Variants in PDCD6IP observed in about 807,000 individuals in gnomAD.
The protein encoded by PDCD6IP is programmed cell death 6-interacting protein.
Under a neutral mutation model 103.7 loss-of-function variants are expected in PDCD6IP, and 43 were observed. The ratio of observed to expected loss-of-function variants is 0.41; its 90% CI spans 0.32 to 0.53. The LOEUF (loss-of-function observed/expected upper bound fraction) is 0.53, where lower values mean the gene tolerates loss of function less well. PDCD6IP is among the 20% of genes least tolerant of loss of function. The pLI, the probability that PDCD6IP is intolerant of heterozygous loss-of-function variation, is 0.16. For missense variants in PDCD6IP, 871 were observed against 1,036.7 expected (o/e 0.84, Z 2.20); for synonymous variants, 354 against 378.7 (o/e 0.93, Z 0.76).
At chr3:33,830,616 C>G (rs1045262506) in intron 7 of PDCD6IP, among the ~76,000 whole-genome samples, 3 of 152,104 alleles carry the variant, frequency 2.0e-5, no homozygotes, top group African/African-American at 7.2e-5. Flanking sequence ...ATGGCACCTG[C>G]CTGTAGTCCA....
intron 1 of PDCD6IP, among the ~76,000 whole-genome samples, chr3:33,811,673 G>C (rs1696722455): frequency 6.6e-6 from 1 of 152,216 alleles, no homozygotes; most frequent in African/African-American, 2.4e-5. Flanking sequence ...GACAGATAGA[G>C]ATGGGCTTAC....
chr3:33,809,384 G>T (rs1696666994), intron 1 of PDCD6IP, among the ~76,000 whole-genome samples: 1 of 152,178 alleles, frequency 6.6e-6, no homozygotes, highest in African/African-American at 2.4e-5. Context: ...AAGAGTGAAG[G>T]CCCTGAGCAA....
At chr3:33,844,603 C>G (rs552996649) in intron 11 of PDCD6IP, among the ~76,000 whole-genome samples, 2 of 152,236 alleles carry the variant, frequency 1.3e-5, no homozygotes, top group Non-Finnish European at 2.9e-5. Flanking sequence ...ACCTCAACCT[C>G]CTGAGTAGCT....
At chr3:33,826,941 C>G (rs1697140494) in intron 6 of PDCD6IP, 1 of 1,002,632 alleles carries the variant, frequency 1.0e-6, no homozygotes, top group Non-Finnish European at 1.2e-6. Context: ...ATGATTCACA[C>G]TTTTAATTAT....
At chr3:33,851,329 A>T (rs1357602972) in intron 12 of PDCD6IP, among the ~76,000 whole-genome samples, 1 of 151,940 alleles carries the variant, frequency 6.6e-6, no homozygotes, top group Non-Finnish European at 1.5e-5. Context: ...TTAGCAAAGT[A>T]TGAAGAGATG....
chr3:33,842,911 T>C (rs1697509031), intron 10 of PDCD6IP, among the ~76,000 whole-genome samples: 1 of 152,226 alleles, frequency 6.6e-6, no homozygotes, highest in South Asian at 2.1e-4. Flanking sequence ...CCTGTACTTA[T>C]TTGTGGGAAT....
intron 5 of PDCD6IP, among the ~76,000 whole-genome samples, chr3:33,825,736 A>G (rs1697106745): frequency 6.6e-6 from 1 of 152,258 alleles, no homozygotes; most frequent in African/African-American, 2.4e-5. Context: ...ATAAGCAAGA[A>G]TTAAGTAGAC....
At chr3:33,848,045 C>G (rs1697632379) in intron 12 of PDCD6IP, among the ~76,000 whole-genome samples, 1 of 152,064 alleles carries the variant, frequency 6.6e-6, no homozygotes, top group African/African-American at 2.4e-5. Flanking sequence ...AACTGTGTGC[C>G]CTCCCAGAGG....
chr3:33,862,247 T>A (rs1019418275), intron 15 of PDCD6IP, among the ~76,000 whole-genome samples: 1 of 152,046 alleles, frequency 6.6e-6, no homozygotes. Flanking sequence ...GTTTTGTTTT[T>A]TTTTTTTGAT....
Position 33,826,527 on chromosome 3 carries a change from G to A in PDCD6IP, c.664G>A (p.Asp222Asn), listed in dbSNP as rs1341405498. The change falls in exon 6 of 18, where the codon GAT (aspartate) becomes AAT (asparagine). Residue 222 changes from aspartate (D) to asparagine (N), a missense_variant. By Grantham distance (23) the Asp-to-Asn change is conservative (BLOSUM62 1). Around this residue, in one of 5 missense-constraint regions of PDCD6IP, gnomAD observed 242 missense variants for 250.7 expected, o/e 0.97. Coordinates refer to ENST00000307296, the MANE Select transcript of PDCD6IP (RefSeq NM_013374.6). ...IIAKLANQAA[D>N]YFGDAFKQCQ... ...AGCTAAATTGGCTAATCAGGCTGCA[G>A]ATTATTTTGGTGATGCTTTCAAACA... The A allele has an allele frequency of 4.3e-6, 7 of 1,612,696 alleles. No homozygotes were observed. The highest frequency in any genetic ancestry group is 4.5e-5 in the East Asian group (2 of 44,820).
rs1697738533 is a variant in PDCD6IP at position 33,852,477 on chromosome 3, T to C, written c.1642-11T>C. ...TTTTTGCAGTTAAACTAAGGTGTCT[T>C]TTTTGTTTAGGTTGTAAATGTCTTA... is the stretch of plus-strand genomic sequence containing the variant. On this transcript the variant is annotated splice_polypyrimidine_tract_variant and intron_variant, in intron 12 of 17. Transcript: ENST00000307296. 2 of 1,525,376 alleles carry C rather than the reference T, an allele frequency of 1.3e-6. No individual in the cohort carries two copies. The highest frequency in any genetic ancestry group is 2.6e-5 in the South Asian group (2 of 77,962). The allele number at this position is 1,525,376 out of a possible 1,614,324, so 94.5% of individuals were successfully genotyped here. A position where few individuals can be genotyped will look rare whatever the true frequency, so the allele number is the denominator to read the frequency against.
intron 12 of PDCD6IP, among the ~76,000 whole-genome samples, chr3:33,846,161 A>G (rs371193703): frequency 1.3e-5 from 2 of 152,342 alleles, no homozygotes; most frequent in African/African-American, 4.8e-5. Context: ...AGATAGGGTA[A>G]GTTAGTAGGA....
At position 33,836,208 on chromosome 3, in the gene PDCD6IP, C is replaced by T. The variant is rs1697345337; in HGVS notation, c.999C>T (p.Gly333=). The T allele has an allele frequency of 6.8e-6, 11 of 1,613,458 alleles. No homozygotes were observed. The highest frequency in any genetic ancestry group is 9.3e-6 in the Non-Finnish European group (11 of 1,179,462). The change falls in exon 8 of 18, where the codon GGC becomes GGT. Residue 333 remains glycine, a synonymous_variant. Coordinates refer to ENST00000307296, the MANE Select transcript of PDCD6IP (RefSeq NM_013374.6). ...VPDLKDLDPI[G]KATLVKSTPV... is the part of the protein sequence containing the mutation. ...ACCTTAAAGATCTAGATCCTATTGG[C>T]AAAGCCACACTTGTGAAATCTACCC... is the stretch of plus-strand genomic sequence containing the variant.
chr3:33,808,942 T>C (rs1397032099), intron 1 of PDCD6IP, among the ~76,000 whole-genome samples: 15 of 152,210 alleles, frequency 9.9e-5, no homozygotes, highest in Admixed American at 9.8e-4. Flanking sequence ...TACCCTCTTG[T>C]CCCAGGGTAT....
In PDCD6IP at chr3:33,866,402, G is replaced by A; in HGVS notation, c.2484G>A (p.Gln828=). ...PMGYNPYAYG[Q]YNMPYPPVYH... ...GCTATAATCCTTATGCGTATGGCCA[G>A]TATAATATGCCATATCCACCAGTGT... is the stretch of plus-strand genomic sequence containing the variant. The change falls in exon 18 of 18, where the codon CAG becomes CAA. Residue 828 remains glutamine (Q), a synonymous_variant. Transcript: ENST00000307296. The A allele has an allele frequency of 2.5e-6, 4 of 1,610,166 alleles. No individual in the cohort carries two copies. The highest frequency in any genetic ancestry group is 3.4e-6 in the Non-Finnish European group (4 of 1,178,264).
intron 7 of PDCD6IP, among the ~76,000 whole-genome samples, chr3:33,829,928 TGA>T (rs1159420300): frequency 6.6e-6 from 1 of 152,076 alleles, no homozygotes; most frequent in Admixed American, 6.5e-5. Flanking sequence ...TGCTAGTGAG[TGA>T]GAGAGAGCAA....
At position 33,834,174 on chromosome 3, in the gene PDCD6IP, A is replaced by AG. The variant is rs1697298204; in HGVS notation, c.835-1868dup. ...TTTTCTCACCAGCTCTCTTGGGATG[A>AG]GGCCCCTCAGCATCACATTTTTTTC... On this transcript the variant is annotated intron_variant, in intron 7 of 17. Transcript: ENST00000307296. 3.9e-5 allele frequency among the ~76,000 whole-genome samples: 6 copies of AG among 152,188 alleles called. No homozygotes were observed. The South Asian group carries it at 1.2e-3, about 32-fold the overall frequency.
At chr3:33,811,504 TG>T (rs1351051206) in intron 1 of PDCD6IP, among the ~76,000 whole-genome samples, 1 of 152,172 alleles carries the variant, frequency 6.6e-6, no homozygotes, top group Admixed American at 6.5e-5. Context: ...CTCACCCTGA[TG>T]GGGGGAAGTC....
chr3:33,822,968 A>G (rs1337949849), intron 4 of PDCD6IP, among the ~76,000 whole-genome samples: 1 of 151,964 alleles, frequency 6.6e-6, no homozygotes, highest in African/African-American at 2.4e-5. Flanking sequence ...GCAGTTGTTT[A>G]TTATTTATTC....
Sources: gnomAD v4.1 joint callset for allele counts (sites outside exome capture counted in the v4.1 genomes callset) on GRCh38, gnomAD v4.1.1 for gene constraint, gnomAD v4.1.1 regional missense constraint, MANE v1.5 for transcripts, NCBI Gene and HGNC (gene_info 2026-07-23, HGNC 2026-07-21) for gene names.